The following ITGA2 variants were observed in gnomAD, a reference collection of about 807,000 sequenced individuals.
ITGA2 encodes integrin alpha-2.
In ITGA2, 101 loss-of-function variants were observed where a neutral mutation model predicts 146.3. That is an observed-to-expected ratio of 0.69 (90% CI 0.59 to 0.81). The LOEUF is 0.81. ITGA2 is among the 40% of genes least tolerant of loss of function. ITGA2 has a pLI of 0.00. For missense variants in ITGA2, 1,281 were observed against 1,402.7 expected (o/e 0.91, Z 1.39); for synonymous variants, 477 against 487.1 (o/e 0.98, Z 0.27).
At chr5:53,058,312 T>C (rs533442794) in intron 10 of ITGA2, among the ~76,000 whole-genome samples, 1 of 151,914 alleles carries the variant, frequency 6.6e-6, no homozygotes, top group East Asian at 2.0e-4. Flanking sequence ...AGGGATCTTA[T>C]ATGGGGGAAA....
At chr5:53,000,597 G>T (rs996499790) in intron 1 of ITGA2, among the ~76,000 whole-genome samples, 11 of 152,182 alleles carry the variant, frequency 7.2e-5, no homozygotes, top group Admixed American at 3.9e-4. Flanking sequence ...TGTTTCAACA[G>T]TGTGTATTCT....
At chr5:53,013,175 A>T (rs1264626072) in intron 1 of ITGA2, among the ~76,000 whole-genome samples, 1 of 151,992 alleles carries the variant, frequency 6.6e-6, no homozygotes, top group Non-Finnish European at 1.5e-5. Context: ...TCCTTGCCAG[A>T]GCCAATGTTC....
chr5:53,074,037 A>G (rs3212590), intron 20 of ITGA2, among the ~76,000 whole-genome samples: 191 of 152,038 alleles, frequency 1.3e-3, no homozygotes, highest in African/African-American at 4.4e-3. Flanking sequence ...AAATGCTTCA[A>G]ATAAATTGAG....
At chr5:53,066,969 C>T in intron 15 of ITGA2, 149 bp from the exon 16 acceptor site, 1 of 739,156 alleles carries the variant, frequency 1.4e-6, no homozygotes, top group South Asian at 1.7e-5. Flanking sequence ...CATCTTAGAG[C>T]TTTCAAATAT....
intron 23 of ITGA2, among the ~76,000 whole-genome samples, chr5:53,077,760 A>G (rs1745727588): frequency 1.3e-5 from 2 of 152,118 alleles, no homozygotes; most frequent in Non-Finnish European, 2.9e-5. Flanking sequence ...GGATATGGAA[A>G]AAATCATTAA....
intron 1 of ITGA2, among the ~76,000 whole-genome samples, chr5:52,994,789 G>C (rs1741152248): frequency 6.6e-6 from 1 of 152,128 alleles, no homozygotes; most frequent in African/African-American, 2.4e-5. Flanking sequence ...TGTAACATCA[G>C]TTTCCATAGC....
chr5:53,004,037 G>C (rs1430900919), intron 1 of ITGA2, among the ~76,000 whole-genome samples: 1 of 151,974 alleles, frequency 6.6e-6, no homozygotes, highest in Non-Finnish European at 1.5e-5. Context: ...GTAGGCTGGG[G>C]GTGTCTGGTC....
At chr5:53,060,140 T>A (rs991841311) in intron 11 of ITGA2, 128 bp downstream of exon 11, 2 of 968,828 alleles carry the variant, frequency 2.1e-6, no homozygotes, top group Non-Finnish European at 3.2e-6. Context: ...TTATTACACA[T>A]ACATATGTTG....
chr5:53,085,748 A>G (rs1746125024), intron 27 of ITGA2, among the ~76,000 whole-genome samples: 1 of 152,194 alleles, frequency 6.6e-6, no homozygotes, highest in African/African-American at 2.4e-5. Context: ...GAGTATGTCC[A>G]ATAATGTGCC....
At chr5:53,042,044 G>A (rs1387449329) in intron 2 of ITGA2, 68 bp from the exon 3 acceptor site, 2 of 936,440 alleles carry the variant, frequency 2.1e-6, no homozygotes, top group South Asian at 1.3e-5. Context: ...TTCACTGTTT[G>A]TGATCAGGTT....
chr5:53,036,044 TATTC>T (rs74507381), intron 2 of ITGA2, among the ~76,000 whole-genome samples: 4,936 of 149,984 alleles, frequency 0.033, 108 homozygotes, highest in East Asian at 0.046. Flanking sequence ...CTTTGACTCG[TATTC>T]ATTCATTCAT....
At chr5:53,026,117 A>G (rs1742933229) in intron 1 of ITGA2, among the ~76,000 whole-genome samples, 1 of 152,212 alleles carries the variant, frequency 6.6e-6, no homozygotes. Flanking sequence ...TATGACACCA[A>G]TCCCTACATT....
At chr5:53,046,970 A>T (rs1744123238) in intron 4 of ITGA2, among the ~76,000 whole-genome samples, 1 of 152,184 alleles carries the variant, frequency 6.6e-6, no homozygotes, top group Non-Finnish European at 1.5e-5. Flanking sequence ...AGTGATTTTA[A>T]AAAAAGCTTA....
In ITGA2 at chr5:53,080,618, CAAGGT is replaced by C; in HGVS notation, c.3039_3039+4del. 1 of 1,608,030 alleles carries C rather than the reference CAAGGT, an allele frequency of 6.2e-7. No homozygotes were observed. Among genetic ancestry groups the C allele is most frequent in the African/African-American group, 1.3e-5 (1 of 74,776 alleles). Reference sequence around the variant, plus strand: ...TGTACCTAACTGGGGTGCAAACAGACAAGGTAAAGATTAAAAAATTGCCTAAAAAT... The same window carrying C: ...TGTACCTAACTGGGGTGCAAACAGACAAAGATTAAAAAATTGCCTAAAAAT... On this transcript the variant is annotated splice_donor_variant and coding_sequence_variant, in exon 25 of 30. Transcript: ENST00000296585. LOFTEE classifies it high-confidence loss of function.
chr5:53,085,016 T>C (rs1301913719), intron 27 of ITGA2, among the ~76,000 whole-genome samples: 1 of 152,210 alleles, frequency 6.6e-6, no homozygotes, highest in Admixed American at 6.5e-5. Context: ...CCTTGAGATG[T>C]CAAGGTATGT....
intron 2 of ITGA2, among the ~76,000 whole-genome samples, chr5:53,028,217 G>A (rs1743046422): frequency 6.6e-6 from 1 of 152,192 alleles, no homozygotes; most frequent in Non-Finnish European, 1.5e-5. Flanking sequence ...TCTATTTGAT[G>A]AGGAAACAAA....
chr5:53,052,404 A>T (rs1744416376), intron 7 of ITGA2, among the ~76,000 whole-genome samples: 1 of 152,108 alleles, frequency 6.6e-6, no homozygotes. Context: ...AGCTCCATCC[A>T]TGTCCCTGCA....
intron 1 of ITGA2, among the ~76,000 whole-genome samples, chr5:52,994,395 G>T (rs777677148): frequency 1.3e-5 from 2 of 152,188 alleles, no homozygotes; most frequent in African/African-American, 2.4e-5. Flanking sequence ...TTGAGGTGAT[G>T]CTGAAGGGTG....
chr5:53,054,312 A>T (rs1253239486), intron 7 of ITGA2, among the ~76,000 whole-genome samples: 2 of 152,186 alleles, frequency 1.3e-5, no homozygotes, highest in African/African-American at 4.8e-5. Context: ...TCATTTAAAC[A>T]TCATGTAATA....
Sources: gnomAD v4.1 joint callset for allele counts (sites outside exome capture counted in the v4.1 genomes callset) on GRCh38, gnomAD v4.1.1 for gene constraint, MANE v1.5 for transcripts, NCBI Gene and HGNC (gene_info 2026-07-23, HGNC 2026-07-21) for gene names.